Variants in TENM3 observed in about 807,000 individuals in gnomAD.
TENM3 encodes the protein teneurin transmembrane protein 3, also known as teneurin-3.
Under a neutral mutation model 255.1 loss-of-function variants are expected in TENM3, and 63 were observed. The ratio of observed to expected loss-of-function variants is 0.25; its 90% CI spans 0.20 to 0.30. The LOEUF is 0.30. TENM3 is among the 10% of genes least tolerant of loss of function. The probability of loss-of-function intolerance (pLI) is 1.00; values close to 1 mark genes in which losing one functional copy is unlikely to be tolerated. For synonymous variants in TENM3, 1,306 were observed against 1,322.3 expected, an observed-to-expected ratio of 0.99 and a Z score of 0.27; for missense variants, 2,929 against 3,461.1, an observed-to-expected ratio of 0.85 and a Z score of 3.86.
At chr4:181,567,235 G>A in the TENM3 span, among the ~76,000 whole-genome samples, 1 of 152,140 alleles carries the variant, frequency 6.6e-6, no homozygotes, top group African/African-American at 2.4e-5. Flanking sequence ...ATCACCTTCA[G>A]GAACCTTTCA....
the TENM3 span, among the ~76,000 whole-genome samples, chr4:181,682,778 G>C: frequency 7.9e-5 from 12 of 152,040 alleles, no homozygotes; most frequent in African/African-American, 2.9e-4. Context: ...ACAAATTCCA[G>C]CCAAACATGA....
chr4:182,606,601 G>A (rs192512466), intron 4 of TENM3, among the ~76,000 whole-genome samples: 235 of 149,958 alleles, frequency 1.6e-3, no homozygotes, highest in Non-Finnish European at 1.7e-3. Context: ...AAACATCTCT[G>A]TGTCTCCAGC....
chr4:182,417,227 C>T lies in TENM3; in HGVS notation c.511+70298C>T, dbSNP rs138489098. Among the ~76,000 whole-genome samples the T allele has an allele frequency of 9.0e-3, 1,362 of 152,172 alleles. 18 individuals carry two copies. Among genetic ancestry groups the T allele is most frequent in the African/African-American group, 0.03 (1,249 of 41,516 alleles). ...TCCTGACCTCGTGATCCGCTCGTCT[C>T]GGCCTCCCATAGTGCTGGGATTACA... On this transcript the variant is annotated intron_variant, in intron 3 of 27. Coordinates refer to ENST00000511685, the MANE Select transcript of TENM3 (RefSeq NM_001080477.4).
At chr4:181,888,618 G>GTGTGTGTGTGGAGA in the TENM3 span, among the ~76,000 whole-genome samples, 2 of 111,782 alleles carry the variant, frequency 1.8e-5, no homozygotes, top group Non-Finnish European at 3.8e-5. Context: ...GTGTGTGTGT[G>GTGTGTGTGTGGAGA]GAAAGAGAGA....
At chr4:181,549,209 A>G in the TENM3 span, among the ~76,000 whole-genome samples, 1 of 152,198 alleles carries the variant, frequency 6.6e-6, no homozygotes, top group South Asian at 2.1e-4. Flanking sequence ...ACTAGGGAGA[A>G]ACAGTGCCAA....
At chr4:181,659,251 G>A in the TENM3 span, among the ~76,000 whole-genome samples, 1 of 152,058 alleles carries the variant, frequency 6.6e-6, no homozygotes, top group African/African-American at 2.4e-5. Context: ...TGTTGTTATT[G>A]TTATCCTATA....
chr4:181,970,868 G>A, the TENM3 span, among the ~76,000 whole-genome samples: 7 of 152,182 alleles, frequency 4.6e-5, no homozygotes, highest in Non-Finnish European at 1.0e-4. Context: ...GCAAATACAT[G>A]TCCTACAATA....
the TENM3 span, among the ~76,000 whole-genome samples, chr4:181,536,161 A>G: frequency 6.6e-6 from 1 of 152,318 alleles, no homozygotes; most frequent in South Asian, 2.1e-4. Context: ...AGTAAATGCA[A>G]TCTTAGGGTC....
chr4:181,657,314 C>G, the TENM3 span, among the ~76,000 whole-genome samples: 1 of 151,950 alleles, frequency 6.6e-6, no homozygotes, highest in Non-Finnish European at 1.5e-5. Flanking sequence ...AGTTAATAAA[C>G]AATTCAACAA....
intron 1 of TENM3, among the ~76,000 whole-genome samples, chr4:182,163,307 A>G (rs1378821736): frequency 6.6e-6 from 1 of 152,012 alleles, no homozygotes; most frequent in Non-Finnish European, 1.5e-5. Flanking sequence ...TCCTGAACCG[A>G]TCTTGTCACG....
chr4:181,885,412 A>G, the TENM3 span, among the ~76,000 whole-genome samples: 3 of 152,004 alleles, frequency 2.0e-5, no homozygotes, highest in Non-Finnish European at 2.9e-5. Context: ...GCAGGCATGC[A>G]CCACCACACC....
At chr4:181,465,648 A>G in the TENM3 span, among the ~76,000 whole-genome samples, 1 of 152,200 alleles carries the variant, frequency 6.6e-6, no homozygotes. Context: ...AGATTTTTGT[A>G]GGCATATATA....
At chr4:181,451,238 G>A in the TENM3 span, among the ~76,000 whole-genome samples, 2 of 152,170 alleles carry the variant, frequency 1.3e-5, no homozygotes, top group African/African-American at 4.8e-5. Flanking sequence ...TTCCTGAGCT[G>A]AGGAACTGCC....
intron 13 of TENM3, among the ~76,000 whole-genome samples, chr4:182,719,585 T>G (rs979247339): frequency 6.6e-6 from 1 of 151,988 alleles, no homozygotes; most frequent in African/African-American, 2.4e-5. Context: ...CCTTTAGAAT[T>G]ATTACTTTTT....
In TENM3 at chr4:182,219,489, C is replaced by A. The variant is rs2149950444; in HGVS notation, c.-76+74735C>A. Among the ~76,000 whole-genome samples, 3 of 151,980 alleles carry A rather than the reference C, an allele frequency of 2.0e-5. No individual in the cohort carries two copies. In the South Asian group the frequency reaches 6.2e-4, roughly 32 times the overall value. The stretch of plus-strand genomic sequence containing the variant: ...ACCAGCCTGGGCAATATAGTGAGAC[C>A]CCTACCTGTAGAAAAAATTTAAAAA... On this transcript the variant is annotated intron_variant, in intron 1 of 2. Coordinates refer to the TENM3 transcript ENST00000512480.
the TENM3 span, among the ~76,000 whole-genome samples, chr4:181,807,055 C>G: frequency 2.6e-5 from 4 of 152,124 alleles, no homozygotes; most frequent in African/African-American, 9.7e-5. Context: ...TGTTGCTGTT[C>G]TTTCTAGGAA....
intron 22 of TENM3, among the ~76,000 whole-genome samples, chr4:182,767,463 T>C (rs1763814319): frequency 6.6e-6 from 1 of 152,076 alleles, no homozygotes; most frequent in Non-Finnish European, 1.5e-5. Context: ...GGTGACAAGA[T>C]GGAGGGGATT....
the TENM3 span, among the ~76,000 whole-genome samples, chr4:182,067,861 C>T: frequency 5.3e-5 from 8 of 152,160 alleles, no homozygotes; most frequent in Non-Finnish European, 5.9e-5. Flanking sequence ...AGTCTGATTT[C>T]TCTATCGAGG....
the TENM3 span, among the ~76,000 whole-genome samples, chr4:181,512,359 C>T: frequency 3.3e-5 from 5 of 152,184 alleles, no homozygotes; most frequent in Non-Finnish European, 1.5e-5. Context: ...AGTGCAGCAG[C>T]TTGCAGGAGC....
Sources: allele counts gnomAD v4.1 joint callset (sites outside exome capture counted in the v4.1 genomes callset), GRCh38; gene constraint gnomAD v4.1.1; transcripts MANE v1.5; gene names NCBI Gene and HGNC (gene_info 2026-07-23, HGNC 2026-07-21).